Variants in PROSER2 observed in about 807,000 individuals in gnomAD.
PROSER2 encodes proline and serine rich 2, also known as proline and serine-rich protein 2.
A neutral mutation model predicts 14.6 loss-of-function variants in PROSER2; 18 were observed. The ratio of observed to expected loss-of-function variants is 1.23; its 90% CI spans 0.85 to 1.83. The LOEUF (loss-of-function observed/expected upper bound fraction) is 1.83, where lower values mean the gene tolerates loss of function less well. Ranked by LOEUF, PROSER2 falls within the 40% of genes most tolerant of loss-of-function variation. PROSER2 has a pLI of 0.00. For synonymous variants in PROSER2, 367 were observed against 286.4 expected (o/e 1.28, Z -2.84); for missense variants, 823 against 629.8 (o/e 1.31, Z -3.28).
chr10:11,827,981 A>G (rs1455154730), intron 1 of PROSER2, among the ~76,000 whole-genome samples: 3 of 152,042 alleles, frequency 2.0e-5, no homozygotes, highest in Non-Finnish European at 2.9e-5. Context: ...TCTTTTTGAT[A>G]CATGTCTCTT....
intron 2 of PROSER2, among the ~76,000 whole-genome samples, chr10:11,857,702 AC>A (rs1260202790): frequency 1.4e-5 from 2 of 141,800 alleles, no homozygotes; most frequent in Non-Finnish European, 3.0e-5. Context: ...CCGAGATCGC[AC>A]CACTGCACTC....
At chr10:11,831,559 A>T (rs1468756526) in intron 1 of PROSER2, 6 of 152,182 alleles carry the variant, frequency 3.9e-5, no homozygotes, top group Non-Finnish European at 7.3e-5. Context: ...TTATTTTCCA[A>T]AACCTCGGAG....
chr10:11,833,473 C>G (rs1199986477), intron 1 of PROSER2, among the ~76,000 whole-genome samples: 2 of 151,726 alleles, frequency 1.3e-5, no homozygotes, highest in African/African-American at 4.8e-5. Context: ...GGTGGATCAC[C>G]TGAGGTCAGG....
At chr10:11,831,665 C>G (rs1833690705) in intron 1 of PROSER2, 1 of 152,192 alleles carries the variant, frequency 6.6e-6, no homozygotes, top group Non-Finnish European at 1.5e-5. Context: ...CTGGGTCATT[C>G]CTTTTTGTTA....
intron 2 of PROSER2, among the ~76,000 whole-genome samples, chr10:11,852,504 C>A (rs569408345): frequency 2.6e-5 from 4 of 151,684 alleles, no homozygotes; most frequent in Non-Finnish European, 5.9e-5. Context: ...CAGGCAGGAG[C>A]GCTGCTGAAG....
At chr10:11,852,331 T>C (rs1834036798) in intron 2 of PROSER2, 116 bp downstream of exon 2, 10 of 1,138,916 alleles carry the variant, frequency 8.8e-6, no homozygotes, top group Non-Finnish European at 1.1e-5. Context: ...TAGCTTGATG[T>C]TCTGGAATAC....
chr10:11,858,361 C>T (rs922384080), intron 2 of PROSER2, among the ~76,000 whole-genome samples: 4 of 152,222 alleles, frequency 2.6e-5, no homozygotes, highest in Admixed American at 2.0e-4. Context: ...ATAGCTAGGA[C>T]TTCTCGACCT....
chr10:11,845,642 G>A (rs1297898171), intron 1 of PROSER2, among the ~76,000 whole-genome samples: 1 of 152,308 alleles, frequency 6.6e-6, no homozygotes, highest in Non-Finnish European at 1.5e-5. Flanking sequence ...GCACCCCTAG[G>A]CCCTCGGGGA....
At position 11,838,792 on chromosome 10, in the gene PROSER2, G is replaced by T. The variant is rs555525046; in HGVS notation, c.-81-13205G>T. On this transcript the variant is annotated intron_variant, in intron 1 of 3. Coordinates refer to ENST00000277570, the MANE Select transcript of PROSER2 (RefSeq NM_153256.4). This position sits in a 1 kb window ranked among gnomAD's most constrained non-coding sequence, Gnocchi z 4.4. Reference sequence around the variant, plus strand: ...TACTTAATAATCATCTGGTTTCCTCGTTTGTACACTGTCTAATCATATTCC... The same window carrying T: ...TACTTAATAATCATCTGGTTTCCTCTTTTGTACACTGTCTAATCATATTCC... 2.6e-5 allele frequency among the ~76,000 whole-genome samples: 4 copies of T among 152,046 alleles called. No homozygotes were observed. The South Asian group carries it at 8.3e-4, about 32-fold the overall frequency.
chr10:11,855,404 G>A (rs1834105650), intron 2 of PROSER2, among the ~76,000 whole-genome samples: 1 of 150,566 alleles, frequency 6.6e-6, no homozygotes, highest in South Asian at 2.1e-4. Context: ...AACCCGGGAG[G>A]CGGAGCTTGC....
In PROSER2 at chr10:11,837,895, T is replaced by C. The variant is rs1833783663; in HGVS notation, c.-81-14102T>C. On this transcript the variant is annotated intron_variant, in intron 1 of 3. Coordinates refer to ENST00000277570, the MANE Select transcript of PROSER2 (RefSeq NM_153256.4). The surrounding 1 kb of genome is among the most constrained non-coding windows in gnomAD (Gnocchi z 4.6). ...TAGAAAAGGTTACCTTCGGGGTTTT[T>C]CCTCTTCCTGTTCGTACACCCTTGC... 6.6e-6 allele frequency among the ~76,000 whole-genome samples: 1 copy of C among 152,218 alleles called. No individual in the cohort carries two copies. Among genetic ancestry groups the C allele is most frequent in the South Asian group, 2.1e-4 (1 of 4,808 alleles).
chr10:11,861,710 C>T (rs907050923), intron 2 of PROSER2, among the ~76,000 whole-genome samples: 1 of 152,202 alleles, frequency 6.6e-6, no homozygotes, highest in Non-Finnish European at 1.5e-5. Context: ...AAAAGTGAGG[C>T]TCATTCCTTA....
intron 1 of PROSER2, among the ~76,000 whole-genome samples, chr10:11,848,687 G>A (rs1833963692): frequency 6.6e-6 from 1 of 152,166 alleles, no homozygotes; most frequent in African/African-American, 2.4e-5. Context: ...TGCTTTTACT[G>A]AGGTCCAGCT....
chr10:11,833,333 A>C (rs1272553102), intron 1 of PROSER2, among the ~76,000 whole-genome samples: 2 of 139,180 alleles, frequency 1.4e-5, no homozygotes, highest in East Asian at 4.7e-4. Context: ...GTTTGAGCCC[A>C]GGTGGTTCAG....
chr10:11,859,510 C>A (rs1485618183), intron 2 of PROSER2, among the ~76,000 whole-genome samples: 1 of 152,186 alleles, frequency 6.6e-6, no homozygotes, highest in Non-Finnish European at 1.5e-5. Flanking sequence ...CTAATAGGGA[C>A]AAACTTAACG....
rs907094582 is a variant in PROSER2 at position 11,865,075 on chromosome 10, T to C, written c.139-1456T>C. Among the ~76,000 whole-genome samples, 11 of 152,216 alleles carry C rather than the reference T, an allele frequency of 7.2e-5. No individual in the cohort carries two copies. Among genetic ancestry groups the C allele is most frequent in the African/African-American group, 2.7e-4 (11 of 41,462 alleles). ...GTTTGGAAACTCACCTGTTCCTGTT[T>C]AGGGGCATTTCCCTGAATTATTTTA... On this transcript the variant is annotated intron_variant, in intron 2 of 3. Transcript: ENST00000277570. The surrounding 1 kb of genome is among the most constrained non-coding windows in gnomAD (Gnocchi z 4.2).
chr10:11,835,971 C>A (rs1833754542), intron 1 of PROSER2, among the ~76,000 whole-genome samples: 1 of 152,108 alleles, frequency 6.6e-6, no homozygotes, highest in African/African-American at 2.4e-5. Flanking sequence ...TCAAGGAAAA[C>A]ACAGCTTTTT....
At chr10:11,827,552 G>T (rs1339965568) in intron 1 of PROSER2, among the ~76,000 whole-genome samples, 1 of 151,966 alleles carries the variant, frequency 6.6e-6, no homozygotes, top group Non-Finnish European at 1.5e-5. Flanking sequence ...TTAATCTTCT[G>T]CCTGTTGTAG....
chr10:11,863,463 TG>T lies in PROSER2; in HGVS notation c.139-3063del, dbSNP rs754643082. ...TGAGGCAGGAGAACCACTTGAGCCC[TG>T]GGGGCAGAGGTTACAGCGAGTCAGG... On this transcript the variant is annotated intron_variant, in intron 2 of 3. Transcript: ENST00000277570. Among the ~76,000 whole-genome samples the T allele has an allele frequency of 2.7e-5, 4 of 150,788 alleles. No individual in the cohort carries two copies. In the East Asian group the frequency reaches 7.8e-4, roughly 29 times the overall value.
Sources: allele counts gnomAD v4.1 joint callset (sites outside exome capture counted in the v4.1 genomes callset), GRCh38; gene constraint gnomAD v4.1.1; non-coding constraint Gnocchi (gnomAD v3.1); transcripts MANE v1.5; gene names NCBI Gene and HGNC (gene_info 2026-07-23, HGNC 2026-07-21).